The following FHAD1 variants were observed in gnomAD, a reference collection of about 807,000 sequenced individuals.
FHAD1 encodes the protein forkhead-associated domain-containing protein 1.
FHAD1 carries 146 observed loss-of-function variants against 191.3 expected under a neutral mutation model. The ratio of observed to expected loss-of-function variants is 0.76; its 90% CI spans 0.67 to 0.88. FHAD1 has a LOEUF of 0.88. Among genes scored for constraint, FHAD1 ranks in the 40% least tolerant of loss-of-function variants. FHAD1 has a pLI of 0.00. For synonymous variants in FHAD1, 616 were observed against 672.3 expected (o/e 0.92, Z 1.29); for missense variants, 1,635 against 1,785.8 (o/e 0.92, Z 1.52).
chr1:15,360,502 C>A lies in FHAD1; in HGVS notation c.2761C>A (p.Leu921Met). Residue 921 changes from leucine to methionine, a missense_variant, in exon 22 of 34, where the codon CTG (leucine) becomes ATG (methionine). Leu to Met is a conservative substitution (Grantham distance 15, BLOSUM62 2). Coordinates refer to ENST00000688493, the MANE Select transcript of FHAD1 (RefSeq NM_001391957.1). Reference sequence around the variant, plus strand: ...GATCATGGTGGAAGAGCGGCTAATCCTGCAGCAGAAGATGGTAAAGGCCCT... The same window carrying A: ...GATCATGGTGGAAGAGCGGCTAATCATGCAGCAGAAGATGGTAAAGGCCCT... ...KMIMVEERLILQQKMVKALQD... is the reference protein window; with the variant it reads ...KMIMVEERLIMQQKMVKALQD... 1.3e-6 allele frequency: 2 copies of A among 1,551,456 alleles called. No homozygotes were observed. Among genetic ancestry groups the A allele is most frequent in the Non-Finnish European group, 1.7e-6 (2 of 1,146,864 alleles).
At chr1:15,336,489 C>T (rs1476800452) in intron 14 of FHAD1, among the ~76,000 whole-genome samples, 1 of 151,836 alleles carries the variant, frequency 6.6e-6, no homozygotes, top group Non-Finnish European at 1.5e-5. Flanking sequence ...CCTGTCTCCC[C>T]TTTCCTCTCC....
chr1:15,375,605 C>A lies in FHAD1; in HGVS notation c.3580C>A (p.His1194Asn). Residue 1194 changes from histidine (H) to asparagine (N), a missense_variant and splice_region_variant, in exon 28 of 34, where the codon CAT (histidine) becomes AAT (asparagine). His to Asn is a moderately conservative substitution (Grantham distance 68, BLOSUM62 1). Transcript: ENST00000688493. Reference protein sequence around the residue: ...KELEKARSPDHKDHQNESFLD... With the variant: ...KELEKARSPDNKDHQNESFLD... ...AGTCTACTTTATTTCTTTTACAGAT[C>A]ATAAAGACCACCAGAATGAATCATT... is the stretch of plus-strand genomic sequence containing the variant. 1.3e-6 allele frequency: 2 copies of A among 1,526,714 alleles called. No homozygotes were observed. Among genetic ancestry groups the A allele is most frequent in the Non-Finnish European group, 1.8e-6 (2 of 1,139,544 alleles). 94.6% of individuals were successfully genotyped at this position (1,526,714 alleles called of 1,614,324 possible).
chr1:15,341,695 C>T (rs555415827), intron 15 of FHAD1, 41 bp from the exon 16 acceptor site: 3 of 1,513,480 alleles, frequency 2.0e-6, no homozygotes, highest in African/African-American at 2.8e-5. Flanking sequence ...TTAGTTAGGC[C>T]TGTCCCCCAT....
At chr1:15,385,339 CA>C (rs1254887498) in intron 31 of FHAD1, among the ~76,000 whole-genome samples, 1 of 150,858 alleles carries the variant, frequency 6.6e-6, no homozygotes. Flanking sequence ...TATAAAATCT[CA>C]GTGCCCCTTC....
intron 11 of FHAD1, chr1:15,324,990 C>A: frequency 5.1e-6 from 1 of 195,142 alleles, no homozygotes; most frequent in Non-Finnish European, 1.1e-5. Context: ...AAGGTAAAAC[C>A]CTGGAGTGTC....
chr1:15,324,788 C>T (rs536005961), intron 11 of FHAD1: 46 of 531,028 alleles, frequency 8.7e-5, no homozygotes, highest in Middle Eastern at 1.0e-3. Flanking sequence ...TACGATGACC[C>T]GAGACCCGGA....
chr1:15,396,288 C>G (rs1386404392), intron 33 of FHAD1, among the ~76,000 whole-genome samples: 1 of 151,338 alleles, frequency 6.6e-6, no homozygotes, highest in African/African-American at 2.4e-5. Flanking sequence ...CTCCACAGCA[C>G]TCCAGCCTGG....
Position 15,349,077 on chromosome 1 carries a change from A to C in FHAD1, c.2382A>C (p.Lys794Asn). The C allele has an allele frequency of 6.4e-7, 1 of 1,551,792 alleles. No individual in the cohort carries two copies. The highest frequency in any genetic ancestry group is 8.7e-7 in the Non-Finnish European group (1 of 1,147,008). Reference protein sequence around the residue: ...LESSIAHEKRKAKEALESEKR... With the variant: ...LESSIAHEKRNAKEALESEKR... ...GCAGCATAGCCCATGAAAAAAGAAA[A>C]GCAAAGGAAGCCTTGGAGTCGGAAA... The change falls in exon 19 of 34, where the codon AAA becomes AAC. Residue 794 changes from lysine to asparagine, a missense_variant. Transcript: ENST00000688493.
Position 15,327,447 on chromosome 1 carries a change from C to T in FHAD1, c.1557+305C>T. On this transcript the variant is annotated intron_variant, in intron 12 of 33. Transcript: ENST00000688493. The surrounding 1 kb of genome is among the most constrained non-coding windows in gnomAD (Gnocchi z 5.1). Reference sequence around the variant, plus strand: ...ACTGGGAGAAAGGGAGCCGCCTCCCCACAGCCAGTGCGTTCTGGCGCGTTC... The same window carrying T: ...ACTGGGAGAAAGGGAGCCGCCTCCCTACAGCCAGTGCGTTCTGGCGCGTTC... The T allele has an allele frequency of 3.5e-6, 1 of 286,552 alleles. No homozygotes were observed. Among genetic ancestry groups the T allele is most frequent in the Non-Finnish European group, 6.5e-6 (1 of 153,268 alleles). The allele number at this position is 286,552 out of a possible 1,614,324, so 17.8% of individuals were successfully genotyped here.
chr1:15,303,137 A>G (rs1669349265), intron 6 of FHAD1, among the ~76,000 whole-genome samples: 1 of 152,156 alleles, frequency 6.6e-6, no homozygotes, highest in African/African-American at 2.4e-5. Context: ...GGTTGACCTG[A>G]TCCTTGTCTT....
chr1:15,289,657 A>G lies in FHAD1; in HGVS notation c.559A>G (p.Ile187Val), dbSNP rs571097546. 11 of 1,548,146 alleles carry G rather than the reference A, an allele frequency of 7.1e-6. No individual in the cohort carries two copies. In the East Asian group the frequency reaches 1.2e-4, roughly 17 times the overall value. Residue 187 changes from isoleucine (I) to valine (V), a missense_variant, in exon 4 of 34, where the codon ATC becomes GTC. Coordinates refer to ENST00000688493, the MANE Select transcript of FHAD1 (RefSeq NM_001391957.1). The surrounding 1 kb of genome is among the most constrained non-coding windows in gnomAD (Gnocchi z 4.2). The stretch of plus-strand genomic sequence containing the variant: ...GGACGACGCCCGCAAGCCACCCGTC[A>G]TCAAGCAAGGTATGCGTCAGGGCTG... ...VVDDARKPPV[I>V]KQVWTNAMKL... is the part of the protein sequence containing the mutation.
At chr1:15,328,073 C>T in intron 12 of FHAD1, 1 of 364,806 alleles carries the variant, frequency 2.7e-6, no homozygotes, top group Middle Eastern at 6.7e-4. Flanking sequence ...AAGAGAATCT[C>T]TGATTCTGGG....
rs1468639381 is a variant in FHAD1 at position 15,367,468 on chromosome 1, C to T, written c.3160C>T (p.Leu1054=). The part of the protein sequence containing the change: ...HSRMSDLRGE[L]NEKQKMELEQ... ...GGCCCTCCTGTCACTCGCAGGGGAG[C>T]TAAACGAGAAGCAGAAGATGGAACT... is the stretch of plus-strand genomic sequence containing the variant. The change falls in exon 25 of 34, where the codon CTA becomes TTA. Residue 1054 remains leucine (L), a synonymous_variant. Transcript: ENST00000688493. 1.3e-6 allele frequency: 2 copies of T among 1,551,208 alleles called. No individual in the cohort carries two copies. Among genetic ancestry groups the T allele is most frequent in the East Asian group, 4.9e-5 (2 of 40,908 alleles).
Position 15,289,691 on chromosome 1 carries a change from G to A in FHAD1, c.568+25G>A, listed in dbSNP as rs1663831164. On this transcript the variant is annotated intron_variant, in intron 4 of 33. Coordinates refer to ENST00000688493, the MANE Select transcript of FHAD1 (RefSeq NM_001391957.1). This position sits in a 1 kb window ranked among gnomAD's most constrained non-coding sequence, Gnocchi z 4.2. ...GGTATGCGTCAGGGCTGCCATTGGT[G>A]GCTTGGGGGTGGTTCACGGCCATGT... 6.5e-7 allele frequency: 1 copy of A among 1,531,076 alleles called. No individual in the cohort carries two copies. Among genetic ancestry groups the A allele is most frequent in the Non-Finnish European group, 8.8e-7 (1 of 1,131,802 alleles). The allele number at this position is 1,531,076 out of a possible 1,614,324, so 94.8% of individuals were successfully genotyped here.
In FHAD1 at chr1:15,358,218, G is replaced by C; in HGVS notation, c.2671G>C (p.Ala891Pro). The change falls in exon 21 of 34, where the codon GCA becomes CCA. Residue 891 changes from alanine (A) to proline (P), a missense_variant. Ala to Pro is a conservative substitution (Grantham distance 27). Transcript: ENST00000688493. ...QKTKATESLK[A>P]ESLALKLNET... ...AACAAAGGCAACTGAAAGTCTAAAAGCAGAGAGCCTCGCCTTGAAATTAAA... is the reference window on the plus strand; with the variant it reads ...AACAAAGGCAACTGAAAGTCTAAAACCAGAGAGCCTCGCCTTGAAATTAAA... The C allele has an allele frequency of 6.5e-7, 1 of 1,542,256 alleles. No homozygotes were observed. The highest frequency in any genetic ancestry group is 8.7e-7 in the Non-Finnish European group (1 of 1,145,020).
chr1:15,345,237 A>T, intron 17 of FHAD1, 47 bp downstream of exon 17: 1 of 1,491,768 alleles, frequency 6.7e-7, no homozygotes, highest in Non-Finnish European at 9.2e-7. Context: ...CACTGCAGCT[A>T]GGAAGGGTGG....
intron 4 of FHAD1, among the ~76,000 whole-genome samples, chr1:15,290,627 C>G (rs1036892326): frequency 1.3e-5 from 2 of 152,120 alleles, no homozygotes; most frequent in African/African-American, 4.8e-5. Flanking sequence ...ATCAAATGCA[C>G]CACCACATAC....
intron 27 of FHAD1, 82 bp downstream of exon 27, chr1:15,374,713 C>T (rs1699065355): frequency 2.0e-6 from 3 of 1,496,300 alleles, no homozygotes; most frequent in Admixed American, 2.1e-5. Flanking sequence ...CCAGGACTAC[C>T]ATGTTTTATC....
chr1:15,252,562 C>A (rs1646916044), intron 2 of FHAD1, among the ~76,000 whole-genome samples: 1 of 152,198 alleles, frequency 6.6e-6, no homozygotes, highest in South Asian at 2.1e-4. Flanking sequence ...TGAGCCCCAC[C>A]TCTGGAGTCG....
Sources: allele counts gnomAD v4.1 joint callset (sites outside exome capture counted in the v4.1 genomes callset), GRCh38; gene constraint gnomAD v4.1.1; non-coding constraint Gnocchi (gnomAD v3.1); transcripts MANE v1.5; gene names NCBI Gene and HGNC (gene_info 2026-07-23, HGNC 2026-07-21).